MAGI2: variants seen among roughly 807,000 people sequenced by gnomAD.
MAGI2 encodes the protein membrane-associated guanylate kinase, WW and PDZ domain-containing protein 2.
In MAGI2, 35 loss-of-function variants were observed where a neutral mutation model predicts 133.3. The ratio of observed to expected loss-of-function variants is 0.26; its 90% CI spans 0.20 to 0.35. The LOEUF is 0.35. Among genes scored for constraint, MAGI2 ranks in the 10% least tolerant of loss-of-function variants. The pLI is 1.00. For missense variants in MAGI2, 1,636 were observed against 1,863.4 expected, an observed-to-expected ratio of 0.88 and a Z score of 2.25; for synonymous variants, 729 against 710.6, an observed-to-expected ratio of 1.03 and a Z score of -0.41.
chr7:79,006,251 T>C (rs1386274753), intron 2 of MAGI2, among the ~76,000 whole-genome samples: 1 of 152,182 alleles, frequency 6.6e-6, no homozygotes, highest in Non-Finnish European at 1.5e-5. Flanking sequence ...CTTTCAGGAC[T>C]CATAGCTTTG....
Position 78,759,935 on chromosome 7 carries a change from G to A in MAGI2, c.419-132696C>T, listed in dbSNP as rs567593550. 3.0e-4 allele frequency among the ~76,000 whole-genome samples: 45 copies of A among 152,068 alleles called. 2 individuals carry two copies. In the South Asian group the frequency reaches 4.6e-3, roughly 15 times the overall value. On this transcript the variant is annotated intron_variant, in intron 2 of 21. Transcript: ENST00000354212. ...GAGGTCAGCACTTCGAGACCAGCCC[G>A]GCCAATATGTCTCTACTAAAAATAC...
chr7:78,912,962 C>G (rs982052829), intron 2 of MAGI2, among the ~76,000 whole-genome samples: 2 of 151,508 alleles, frequency 1.3e-5, no homozygotes, highest in African/African-American at 2.4e-5. Context: ...GCTGAATCCT[C>G]AAGAAGAGAA....
chr7:78,695,753 T>C (rs1210877054), intron 2 of MAGI2, among the ~76,000 whole-genome samples: 1 of 152,116 alleles, frequency 6.6e-6, no homozygotes, highest in Non-Finnish European at 1.5e-5. Context: ...TAATACACCA[T>C]CTTTTATTAC....
At chr7:78,885,897 G>T (rs986557428) in intron 2 of MAGI2, among the ~76,000 whole-genome samples, 2 of 152,130 alleles carry the variant, frequency 1.3e-5, no homozygotes, top group South Asian at 4.2e-4. Flanking sequence ...CAGCTCTTTG[G>T]CATCATGGCT....
chr7:78,167,547 C>G (rs1488364569), intron 15 of MAGI2, among the ~76,000 whole-genome samples: 1 of 152,182 alleles, frequency 6.6e-6, no homozygotes, highest in Non-Finnish European at 1.5e-5. Context: ...ATTATGGCAT[C>G]AAAATGCTGT....
intron 1 of MAGI2, among the ~76,000 whole-genome samples, chr7:79,185,280 T>C (rs1826978339): frequency 6.6e-6 from 1 of 151,772 alleles, no homozygotes; most frequent in South Asian, 2.1e-4. Context: ...TCCAAATGAA[T>C]AGAATAAACC....
At chr7:78,070,172 C>CATATATATATATAT (rs1563079655) in intron 21 of MAGI2, among the ~76,000 whole-genome samples, 1 of 28,888 alleles carries the variant, frequency 3.5e-5, no homozygotes, top group Non-Finnish European at 6.8e-5. Flanking sequence ...TACACACACA[C>CATATATATATATAT]ACATATATAT....
At chr7:79,201,954 C>T (rs576912211) in intron 1 of MAGI2, among the ~76,000 whole-genome samples, 1 of 151,670 alleles carries the variant, frequency 6.6e-6, no homozygotes, top group Non-Finnish European at 1.5e-5. Context: ...ATGGTTAGTC[C>T]TCTTTTTATT....
chr7:78,343,439 T>G (rs1360135404), intron 9 of MAGI2, among the ~76,000 whole-genome samples: 3 of 152,178 alleles, frequency 2.0e-5, no homozygotes, highest in Non-Finnish European at 4.4e-5. Context: ...TTTAAAATAT[T>G]GTGGCTGAAT....
At chr7:78,828,791 AT>A (rs1790886510) in intron 2 of MAGI2, among the ~76,000 whole-genome samples, 1 of 152,202 alleles carries the variant, frequency 6.6e-6, no homozygotes, top group African/African-American at 2.4e-5. Context: ...AACTAAAATT[AT>A]TCTAAAATAA....
chr7:79,331,959 G>GA (rs142902186), intron 1 of MAGI2, among the ~76,000 whole-genome samples: 3 of 142,724 alleles, frequency 2.1e-5, no homozygotes, highest in Non-Finnish European at 4.5e-5. Context: ...AAAAAAAAAG[G>GA]AAAAAAAAAT....
At chr7:78,491,781 G>A (rs1370979100) in intron 5 of MAGI2, among the ~76,000 whole-genome samples, 1 of 151,828 alleles carries the variant, frequency 6.6e-6, no homozygotes, top group Non-Finnish European at 1.5e-5. Context: ...CCTAATGTGA[G>A]GATAGGGGCA....
chr7:78,413,672 A>G lies in MAGI2; in HGVS notation c.1046-44459T>C, dbSNP rs77719326. Among the ~76,000 whole-genome samples, 1,283 of 152,074 alleles carry G rather than the reference A, an allele frequency of 8.4e-3. 20 individuals carry two copies. The highest frequency in any genetic ancestry group is 0.029 in the African/African-American group (1,214 of 41,538). On this transcript the variant is annotated intron_variant, in intron 6 of 21. Transcript: ENST00000354212. ...ATGTGCAGTTTTGAAAGAGAAGGCA[A>G]GGGAGAAGAAAAAGAAGATGAGAGG...
At chr7:78,416,148 C>A (rs1037871823) in intron 6 of MAGI2, among the ~76,000 whole-genome samples, 1 of 152,076 alleles carries the variant, frequency 6.6e-6, no homozygotes, top group African/African-American at 2.4e-5. Context: ...CAAGGTATAA[C>A]ATGGTCTGAA....
chr7:79,150,780 T>G (rs552348477), intron 1 of MAGI2, among the ~76,000 whole-genome samples: 4 of 152,112 alleles, frequency 2.6e-5, no homozygotes, highest in Admixed American at 2.0e-4. Flanking sequence ...ACTATACAGT[T>G]TTTTCAATGA....
chr7:78,634,088 A>C (rs1809362468), intron 2 of MAGI2, among the ~76,000 whole-genome samples: 1 of 152,232 alleles, frequency 6.6e-6, no homozygotes, highest in Non-Finnish European at 1.5e-5. Flanking sequence ...AATAAAGAAA[A>C]AAAATTTATG....
intron 10 of MAGI2, among the ~76,000 whole-genome samples, chr7:78,243,520 A>G (rs1791415965): frequency 6.6e-6 from 1 of 152,186 alleles, no homozygotes; most frequent in Non-Finnish European, 1.5e-5. Flanking sequence ...TTAAAATTTT[A>G]AAGCAAAAAC....
chr7:79,376,332 AT>A (rs1365236575), intron 1 of MAGI2, among the ~76,000 whole-genome samples: 2 of 151,912 alleles, frequency 1.3e-5, no homozygotes, highest in Non-Finnish European at 2.9e-5. Context: ...TTATATGAAT[AT>A]GGTTTCTCTC....
intron 2 of MAGI2, among the ~76,000 whole-genome samples, chr7:78,685,028 C>T (rs1462109919): frequency 6.6e-6 from 1 of 152,162 alleles, no homozygotes; most frequent in Non-Finnish European, 1.5e-5. Flanking sequence ...CTGCATATAG[C>T]AGGACCGATT....
Sources: gnomAD v4.1 joint callset for allele counts (sites outside exome capture counted in the v4.1 genomes callset) on GRCh38, gnomAD v4.1.1 for gene constraint, MANE v1.5 for transcripts, NCBI Gene and HGNC (gene_info 2026-07-23, HGNC 2026-07-21) for gene names.